Variants in FIGN observed in about 807,000 individuals in gnomAD.
FIGN encodes the protein fidgetin.
Under a neutral mutation model 51.3 loss-of-function variants are expected in FIGN, and 11 were observed. That is an observed-to-expected ratio of 0.21 (90% CI 0.13 to 0.35). The LOEUF (loss-of-function observed/expected upper bound fraction) is 0.35. FIGN is among the 10% of genes least tolerant of loss of function. The probability of loss-of-function intolerance (pLI) is 1.00; values close to 1 mark genes in which losing one functional copy is unlikely to be tolerated. For missense variants in FIGN, 857 were observed against 943.6 expected (o/e 0.91, Z 1.20); for synonymous variants, 407 against 363.2 (o/e 1.12, Z -1.37).
At chr2:163,655,076 A>C (rs1307319804) in intron 2 of FIGN, among the ~76,000 whole-genome samples, 1 of 152,162 alleles carries the variant, frequency 6.6e-6, no homozygotes, top group African/African-American at 2.4e-5. Flanking sequence ...GCATGCATAC[A>C]TGTGTACATA....
At chr2:163,720,597 AC>A (rs1422902542) in intron 2 of FIGN, among the ~76,000 whole-genome samples, 1 of 152,114 alleles carries the variant, frequency 6.6e-6, no homozygotes, top group Non-Finnish European at 1.5e-5. Flanking sequence ...ACCAAACTTA[AC>A]CCCTAAGGGA....
intron 2 of FIGN, among the ~76,000 whole-genome samples, chr2:163,625,300 A>G (rs1683037559): frequency 1.3e-5 from 2 of 152,084 alleles, no homozygotes; most frequent in South Asian, 4.1e-4. Flanking sequence ...ACTAAGCTAA[A>G]ACATTAAAAA....
chr2:163,660,834 C>CATAT (rs10646457), intron 2 of FIGN, among the ~76,000 whole-genome samples: 93 of 9,136 alleles, frequency 0.01, 33 homozygotes, highest in African/African-American at 0.022. Flanking sequence ...TATATGTATA[C>CATAT]ATATATACAT....
At chr2:163,618,586 C>T (rs1238674065) in intron 2 of FIGN, among the ~76,000 whole-genome samples, 2 of 151,720 alleles carry the variant, frequency 1.3e-5, no homozygotes, top group Non-Finnish European at 2.9e-5. Flanking sequence ...AATCACTCGA[C>T]TTTATGTTTT....
In FIGN at chr2:163,604,984, T is replaced by C. The variant is rs71424785; in HGVS notation, c.*4568A>G. On this transcript the variant is annotated 3_prime_UTR_variant, in exon 3 of 3. Coordinates refer to ENST00000333129, the MANE Select transcript of FIGN (RefSeq NM_018086.4). ...TCATAAGACAACAAGAAGGAATGAA[T>C]GTGCTCCCAACCTTGGTGTACTACA... 0.066 allele frequency: 7,783 copies of C among 117,094 alleles called. 279 individuals are homozygous for C. The highest frequency in any genetic ancestry group is 0.11 in the African/African-American group (3,550 of 31,276). The allele number at this position is 117,094 out of a possible 1,614,324, so 7.3% of individuals were successfully genotyped here.
At chr2:163,715,831 C>G (rs1322989217) in intron 2 of FIGN, among the ~76,000 whole-genome samples, 1 of 152,126 alleles carries the variant, frequency 6.6e-6, no homozygotes, top group Non-Finnish European at 1.5e-5. Context: ...ATCCACAACA[C>G]TGCAAAAACC....
chr2:163,726,170 G>T (rs972640143), intron 2 of FIGN, among the ~76,000 whole-genome samples: 18 of 152,036 alleles, frequency 1.2e-4, no homozygotes, highest in Non-Finnish European at 2.5e-4. Context: ...CTTCCAGTTT[G>T]TCAGACAAGG....
At chr2:163,729,122 T>C (rs62175891) in intron 2 of FIGN, among the ~76,000 whole-genome samples, 7,472 of 152,250 alleles carry the variant, frequency 0.049, 275 homozygotes, top group Non-Finnish European at 0.075. Context: ...ATAGTTGACA[T>C]TTAATTATCA....
intron 2 of FIGN, among the ~76,000 whole-genome samples, chr2:163,666,621 C>A (rs1226178851): frequency 6.6e-6 from 1 of 152,092 alleles, no homozygotes; most frequent in Non-Finnish European, 1.5e-5. Context: ...AAATGATCTC[C>A]TTTTAAGACC....
chr2:163,610,759 T>C lies in FIGN; in HGVS notation c.1073A>G (p.Asn358Ser). The C allele has an allele frequency of 1.9e-6, 3 of 1,614,188 alleles. No individual in the cohort carries two copies. The South Asian group carries it at 3.3e-5, about 18-fold the overall frequency. ...MYRMPDNSIS[N>S]TNRGNGFDRS... is the part of the protein sequence containing the mutation. ...GTCAAAGCCATTCCCCCGATTTGTG[T>C]TTGAAATGCTGTTGTCGGGCATTCT... The change falls in exon 3 of 3, where the codon AAC becomes AGC. Residue 358 changes from asparagine to serine, a missense_variant. Asn to Ser is a conservative substitution (Grantham distance 46, BLOSUM62 1). Coordinates refer to ENST00000333129, the MANE Select transcript of FIGN (RefSeq NM_018086.4).
chr2:163,635,967 A>C (rs145800719), intron 2 of FIGN, among the ~76,000 whole-genome samples: 32 of 152,352 alleles, frequency 2.1e-4, no homozygotes, highest in African/African-American at 7.7e-4. Flanking sequence ...GATAGCCATA[A>C]AGATAGTTTA....
chr2:163,688,077 C>T (rs1248661567), intron 2 of FIGN, among the ~76,000 whole-genome samples: 1 of 152,148 alleles, frequency 6.6e-6, no homozygotes, highest in East Asian at 1.9e-4. Context: ...CCAGAAAATA[C>T]CAAAGCACAC....
At chr2:163,635,761 A>G (rs1321213006) in intron 2 of FIGN, among the ~76,000 whole-genome samples, 1 of 152,184 alleles carries the variant, frequency 6.6e-6, no homozygotes, top group African/African-American at 2.4e-5. Context: ...ACAGACTGAT[A>G]TTTAAGTAAG....
chr2:163,649,499 A>G (rs115727929), intron 2 of FIGN, among the ~76,000 whole-genome samples: 4 of 152,302 alleles, frequency 2.6e-5, no homozygotes, highest in African/African-American at 9.6e-5. Context: ...CTAAGGCAAG[A>G]GAGGCCCAGA....
chr2:163,687,712 C>A (rs1040701978), intron 2 of FIGN, among the ~76,000 whole-genome samples: 1 of 152,278 alleles, frequency 6.6e-6, no homozygotes, highest in South Asian at 2.1e-4. Context: ...ACAATGCAAA[C>A]TTAAATTTTA....
At chr2:163,669,035 T>TATATATAC (rs1253146995) in intron 2 of FIGN, among the ~76,000 whole-genome samples, 1 of 148,588 alleles carries the variant, frequency 6.7e-6, no homozygotes, top group African/African-American at 2.5e-5. Context: ...TATATATATA[T>TATATATAC]ACACTATAAA....
Sources: gnomAD v4.1 joint callset for allele counts (sites outside exome capture counted in the v4.1 genomes callset) on GRCh38, gnomAD v4.1.1 for gene constraint, MANE v1.5 for transcripts, NCBI Gene and HGNC (gene_info 2026-07-23, HGNC 2026-07-21) for gene names.